The following ZNF804B variants were observed in gnomAD, a reference collection of about 807,000 sequenced individuals.
The protein encoded by ZNF804B is zinc finger 804B.
ZNF804B carries 80 observed loss-of-function variants against 101.4 expected under a neutral mutation model. The ratio of observed to expected loss-of-function variants is 0.79; its 90% CI spans 0.66 to 0.95. The LOEUF (loss-of-function observed/expected upper bound fraction) is 0.95. Ranked by LOEUF, ZNF804B falls within the 40% of genes least tolerant of loss-of-function variation. The pLI is 0.00. For missense variants in ZNF804B, 1,673 were observed against 1,561.9 expected, an observed-to-expected ratio of 1.07 and a Z score of -1.20; for synonymous variants, 622 against 558.8, an observed-to-expected ratio of 1.11 and a Z score of -1.59.
chr7:88,804,213 T>G (rs146590324), intron 1 of ZNF804B, among the ~76,000 whole-genome samples: 5 of 152,144 alleles, frequency 3.3e-5, no homozygotes, highest in South Asian at 2.1e-4. Flanking sequence ...TCCTCCACAT[T>G]TGTCAGTAAG....
intron 2 of ZNF804B, among the ~76,000 whole-genome samples, chr7:89,302,417 A>G (rs1443460312): frequency 6.6e-6 from 1 of 151,832 alleles, no homozygotes; most frequent in Non-Finnish European, 1.5e-5. Context: ...TAGAAATCAG[A>G]GCCTGAGAAT....
At chr7:88,914,618 C>A (rs986843745) in intron 1 of ZNF804B, among the ~76,000 whole-genome samples, 2 of 152,150 alleles carry the variant, frequency 1.3e-5, no homozygotes, top group East Asian at 3.9e-4. Context: ...GGTTTCCTTG[C>A]ACAATTCACT....
chr7:89,168,204 T>C (rs965404692), intron 1 of ZNF804B, among the ~76,000 whole-genome samples: 2 of 152,128 alleles, frequency 1.3e-5, no homozygotes, highest in Admixed American at 1.3e-4. Flanking sequence ...CTGATTATCA[T>C]AAGCTTTTTC....
Position 89,334,076 on chromosome 7 carries a change from C to T in ZNF804B, c.1094C>T (p.Ala365Val). The T allele has an allele frequency of 6.2e-7, 1 of 1,613,660 alleles. No homozygotes were observed. The highest frequency in any genetic ancestry group is 8.5e-7 in the Non-Finnish European group (1 of 1,179,806). ...GTTAATCACCCATGCCAAGCAAATG[C>T]TTCCTTCAGCCCACCAAACATTTAC... ...NCVNHPCQAN[A>V]SFSPPNIYNH... is the part of the protein sequence containing the mutation. The change falls in exon 4 of 4, where the codon GCT (alanine) becomes GTT (valine). Residue 365 changes from alanine to valine, a missense_variant. Transcript: ENST00000333190.
intron 1 of ZNF804B, among the ~76,000 whole-genome samples, chr7:89,012,340 C>T (rs1280994030): frequency 6.6e-6 from 1 of 152,136 alleles, no homozygotes; most frequent in Non-Finnish European, 1.5e-5. Flanking sequence ...TCTTGGTGAT[C>T]AACATTTGGC....
intron 1 of ZNF804B, among the ~76,000 whole-genome samples, chr7:88,893,704 C>T (rs1020399831): frequency 5.3e-5 from 8 of 152,126 alleles, no homozygotes; most frequent in Non-Finnish European, 1.0e-4. Context: ...CAGCATTTAG[C>T]TTGAAAAGCT....
intron 1 of ZNF804B, among the ~76,000 whole-genome samples, chr7:89,153,737 C>G (rs551853527): frequency 1.9e-4 from 29 of 152,192 alleles, no homozygotes; most frequent in African/African-American, 6.5e-4. Flanking sequence ...CTTGCTTCTA[C>G]TTGTATCTCT....
At chr7:88,827,761 C>T (rs966382148) in intron 1 of ZNF804B, among the ~76,000 whole-genome samples, 3 of 152,038 alleles carry the variant, frequency 2.0e-5, no homozygotes, top group African/African-American at 7.2e-5. Context: ...ATTAGTAGTG[C>T]TGCAACACAC....
intron 2 of ZNF804B, among the ~76,000 whole-genome samples, chr7:89,228,067 C>T (rs951003871): frequency 1.1e-4 from 16 of 152,088 alleles, no homozygotes; most frequent in Non-Finnish European, 2.2e-4. Context: ...CAGACCCTCG[C>T]GGTGAGTGTT....
intron 2 of ZNF804B, among the ~76,000 whole-genome samples, chr7:89,232,953 G>T (rs1485141095): frequency 6.6e-6 from 1 of 151,876 alleles, no homozygotes; most frequent in Admixed American, 6.6e-5. Context: ...ATGGAGTCTC[G>T]CTCTGTCGCC....
intron 1 of ZNF804B, among the ~76,000 whole-genome samples, chr7:89,039,570 A>T (rs1219681898): frequency 4.0e-5 from 6 of 151,684 alleles, no homozygotes; most frequent in Non-Finnish European, 1.5e-5. Context: ...TTATTCTCAC[A>T]GTTTTTTTTG....
intron 1 of ZNF804B, among the ~76,000 whole-genome samples, chr7:89,214,854 T>G (rs1252214956): frequency 6.6e-6 from 1 of 152,162 alleles, no homozygotes; most frequent in African/African-American, 2.4e-5. Flanking sequence ...AATAAACAGT[T>G]GAATGAATGG....
chr7:89,143,772 C>CTA (rs1204102533), intron 1 of ZNF804B, among the ~76,000 whole-genome samples: 10 of 151,922 alleles, frequency 6.6e-5, no homozygotes, highest in African/African-American at 2.4e-4. Context: ...TTCAGAAATG[C>CTA]TATAACAAGT....
chr7:89,258,093 A>G (rs1026947646), intron 2 of ZNF804B, among the ~76,000 whole-genome samples: 1 of 152,078 alleles, frequency 6.6e-6, no homozygotes, highest in African/African-American at 2.4e-5. Flanking sequence ...AATAAAAATA[A>G]TGCAACAATA....
At chr7:89,333,087 A>T (rs1000751414) in intron 3 of ZNF804B, among the ~76,000 whole-genome samples, 10 of 151,998 alleles carry the variant, frequency 6.6e-5, no homozygotes, top group African/African-American at 2.4e-4. Flanking sequence ...TAGGACATAT[A>T]TTGTGATGTA....
chr7:88,970,937 G>A (rs963712076), intron 1 of ZNF804B, among the ~76,000 whole-genome samples: 41 of 149,852 alleles, frequency 2.7e-4, no homozygotes, highest in African/African-American at 9.1e-4. Context: ...CCTGCATGTT[G>A]TGCACATGTA....
At chr7:88,872,556 T>G (rs1791845568) in intron 1 of ZNF804B, among the ~76,000 whole-genome samples, 2 of 152,054 alleles carry the variant, frequency 1.3e-5, no homozygotes, top group Non-Finnish European at 2.9e-5. Flanking sequence ...GCCATGCTGG[T>G]GCACTGCACC....
chr7:88,856,723 G>A (rs1791565279), intron 1 of ZNF804B, among the ~76,000 whole-genome samples: 1 of 152,072 alleles, frequency 6.6e-6, no homozygotes, highest in African/African-American at 2.4e-5. Context: ...TGCCCATTCA[G>A]TATGATATTG....
intron 2 of ZNF804B, among the ~76,000 whole-genome samples, chr7:89,322,509 A>T (rs550923465): frequency 6.6e-6 from 1 of 152,250 alleles, no homozygotes; most frequent in East Asian, 1.9e-4. Context: ...TTAAAATATT[A>T]ATAAAATTAA....
Sources: allele counts gnomAD v4.1 joint callset (sites outside exome capture counted in the v4.1 genomes callset), GRCh38; gene constraint gnomAD v4.1.1; transcripts MANE v1.5; gene names NCBI Gene and HGNC (gene_info 2026-07-23, HGNC 2026-07-21).